CA5A: variants seen among roughly 807,000 people sequenced by gnomAD.
CA5A encodes the protein carbonic anhydrase 5A.
CA5A carries 28 observed loss-of-function variants against 37.1 expected under a neutral mutation model. The ratio of observed to expected loss-of-function variants is 0.75; its 90% confidence interval spans 0.56 to 1.03. The LOEUF is 1.03. CA5A is among the 50% of genes least tolerant of loss of function. The pLI is 0.00. For missense variants in CA5A, 444 were observed against 399.9 expected (o/e 1.11, Z -0.94); for synonymous variants, 171 against 158.4 (o/e 1.08, Z -0.60).
At chr16:87,912,820 G>A (rs1377554367) in intron 2 of CA5A, among the ~76,000 whole-genome samples, 3 of 152,190 alleles carry the variant, frequency 2.0e-5, no homozygotes, top group Non-Finnish European at 2.9e-5. Context: ...AGAAAGGGAC[G>A]ACCAGCGGAA....
At chr16:87,888,720 A>G (rs572086926) in intron 6 of CA5A, among the ~76,000 whole-genome samples, 1 of 152,208 alleles carries the variant, frequency 6.6e-6, no homozygotes, top group African/African-American at 2.4e-5. Context: ...TTCACAACCC[A>G]AGGAAACTAT....
At chr16:87,929,682 C>G (rs1490080566) in intron 1 of CA5A, among the ~76,000 whole-genome samples, 2 of 151,482 alleles carry the variant, frequency 1.3e-5, no homozygotes, top group East Asian at 3.9e-4. Context: ...ACCATCCTGG[C>G]TAACACCGTG....
At chr16:87,926,437 C>G (rs2056312050) in intron 2 of CA5A, among the ~76,000 whole-genome samples, 1 of 152,206 alleles carries the variant, frequency 6.6e-6, no homozygotes, top group African/African-American at 2.4e-5. Context: ...TTTCAATGAG[C>G]TTGTCTCTTC....
intron 2 of CA5A, among the ~76,000 whole-genome samples, chr16:87,926,363 C>T (rs1335846379): frequency 6.6e-6 from 1 of 152,218 alleles, no homozygotes; most frequent in East Asian, 1.9e-4. Context: ...ATGATCAAGG[C>T]CAGCGTGGGC....
intron 5 of CA5A, 78 bp from the exon 6 acceptor site, chr16:87,892,032 C>G (rs903897889): frequency 3.0e-6 from 4 of 1,321,616 alleles, no homozygotes; most frequent in Admixed American, 3.4e-5. Context: ...GCACGTGAGG[C>G]CTTCATGGTG....
At chr16:87,916,060 C>A (rs148780837) in intron 2 of CA5A, among the ~76,000 whole-genome samples, 2 of 151,022 alleles carry the variant, frequency 1.3e-5, no homozygotes, top group African/African-American at 4.9e-5. Flanking sequence ...AGGGGTTACT[C>A]GGGAGCCTGC....
chr16:87,925,995 G>T (rs2056302532), intron 2 of CA5A, among the ~76,000 whole-genome samples: 1 of 152,166 alleles, frequency 6.6e-6, no homozygotes, highest in Admixed American at 6.5e-5. Flanking sequence ...GGCCAAGGTG[G>T]GCAGATCACC....
chr16:87,893,698 A>C (rs1391087172), intron 5 of CA5A: 2 of 533,070 alleles, frequency 3.8e-6, no homozygotes, highest in Non-Finnish European at 7.3e-6. Context: ...TTCCAGTTTA[A>C]AGGCAGATTT....
chr16:87,912,547 C>T (rs939920447), intron 2 of CA5A, among the ~76,000 whole-genome samples: 1 of 152,234 alleles, frequency 6.6e-6, no homozygotes, highest in African/African-American at 2.4e-5. Flanking sequence ...CACTGACTTT[C>T]TCCCACGTGC....
At chr16:87,919,882 C>A (rs1228847459) in intron 2 of CA5A, among the ~76,000 whole-genome samples, 2 of 152,158 alleles carry the variant, frequency 1.3e-5, no homozygotes, top group Admixed American at 1.3e-4. Flanking sequence ...TCGGTGACTG[C>A]ACCTTCAAAA....
chr16:87,931,840 C>T (rs1021604425), intron 1 of CA5A, among the ~76,000 whole-genome samples: 1 of 152,232 alleles, frequency 6.6e-6, no homozygotes, highest in Non-Finnish European at 1.5e-5. Flanking sequence ...ACGCGGGAGC[C>T]GGCGGCCACA....
rs1239630830 is a variant in CA5A at position 87,928,431 on chromosome 16, G to A, written c.143-1486C>T. On this transcript the variant is annotated intron_variant, in intron 1 of 6. Transcript: ENST00000649794. ...CTCCTGCCTGTCCCAAAGTGAGGCA[G>A]GCATCTCCCAAAGTGCTGAGATTAG... 3.3e-5 allele frequency among the ~76,000 whole-genome samples: 5 copies of A among 152,204 alleles called. No homozygotes were observed. The East Asian group carries it at 9.6e-4, about 29-fold the overall frequency.
At chr16:87,924,392 T>C (rs2056273589) in intron 2 of CA5A, 5 of 839,424 alleles carry the variant, frequency 6.0e-6, no homozygotes, top group Non-Finnish European at 7.2e-6. Flanking sequence ...TGCGATGCAC[T>C]GTGTAGGGCC....
Position 87,914,251 on chromosome 16 carries a change from A to G in CA5A, c.341-9347T>C, listed in dbSNP as rs375872002. On this transcript the variant is annotated intron_variant, in intron 2 of 6. Transcript: ENST00000649794. The stretch of plus-strand genomic sequence containing the variant: ...TGGCGAGAGGAAGTCACGGGTGACC[A>G]TGGTAGGCATTACCGCCTGATGGGG... Among the ~76,000 whole-genome samples the G allele has an allele frequency of 4.4e-4, 67 of 152,316 alleles. No individual in the cohort carries two copies. In the East Asian group the frequency reaches 5.2e-3, roughly 12 times the overall value.
intron 2 of CA5A, chr16:87,924,319 A>G: frequency 1.0e-6 from 1 of 985,272 alleles, no homozygotes; most frequent in Non-Finnish European, 1.2e-6. Context: ...GCATACAGGC[A>G]GCGTGGCTCC....
At chr16:87,896,359 G>C (rs1045259627) in intron 5 of CA5A, among the ~76,000 whole-genome samples, 1 of 152,286 alleles carries the variant, frequency 6.6e-6, no homozygotes, top group East Asian at 1.9e-4. Context: ...TTGCCTCATC[G>C]TCCCCAGGAG....
chr16:87,908,773 G>A (rs982423272), intron 2 of CA5A, among the ~76,000 whole-genome samples: 4 of 152,032 alleles, frequency 2.6e-5, no homozygotes, highest in African/African-American at 7.2e-5. Context: ...CATCCTTCCC[G>A]ACCCCGAGCT....
chr16:87,889,257 G>A (rs1186571365), intron 6 of CA5A, among the ~76,000 whole-genome samples: 2 of 151,940 alleles, frequency 1.3e-5, no homozygotes, highest in Non-Finnish European at 2.9e-5. Flanking sequence ...GTTTCACCAT[G>A]TTGGTCAGGC....
intron 3 of CA5A, 50 bp downstream of exon 3, chr16:87,904,736 G>A (rs374262263): frequency 4.7e-5 from 54 of 1,137,318 alleles, no homozygotes; most frequent in Admixed American, 4.4e-4. Context: ...CCATAGAGCC[G>A]GAGACATGGA....
Sources: gnomAD v4.1 joint callset for allele counts (sites outside exome capture counted in the v4.1 genomes callset) on GRCh38, gnomAD v4.1.1 for gene constraint, MANE v1.5 for transcripts, NCBI Gene and HGNC (gene_info 2026-07-23, HGNC 2026-07-21) for gene names.